ARHGEF6: variants seen among roughly 807,000 people sequenced by gnomAD.
ARHGEF6 encodes rho guanine nucleotide exchange factor 6.
ARHGEF6 carries 9 observed loss-of-function variants against 70.3 expected under a neutral mutation model. The ratio of observed to expected loss-of-function variants is 0.13; its 90% confidence interval spans 0.08 to 0.22. The LOEUF is 0.22. ARHGEF6 is among the 10% of genes least tolerant of loss of function. The pLI, the probability that ARHGEF6 is intolerant of heterozygous loss-of-function variation, is 1.00. For synonymous variants in ARHGEF6, 201 were observed against 207.8 expected, an observed-to-expected ratio of 0.97 and a Z score of 0.28; for missense variants, 470 against 563.0, an observed-to-expected ratio of 0.83 and a Z score of 1.67.
intron 2 of ARHGEF6, among the ~76,000 whole-genome samples, chrX:136,770,339 T>C (rs1295905899): frequency 2.7e-5 from 3 of 112,248 alleles, no homozygotes; most frequent in East Asian, 5.6e-4. Context: ...AGAAAAAGCA[T>C]TTGACAAAAT....
chrX:136,764,582 C>T (rs1468796785), intron 2 of ARHGEF6, among the ~76,000 whole-genome samples: 1 of 111,280 alleles, frequency 9.0e-6, no homozygotes, highest in Non-Finnish European at 1.9e-5. Flanking sequence ...GGTGGGAAGG[C>T]AGGGTATCTA....
In ARHGEF6 at chrX:136,675,095, A is replaced by G. The variant is rs928424896; in HGVS notation, c.1947T>C (p.Ser649=). Residue 649 remains serine (S), a splice_region_variant and synonymous_variant, in exon 19 of 22, where the codon AGT becomes AGC. Coordinates refer to ENST00000250617, the MANE Select transcript of ARHGEF6 (RefSeq NM_004840.3). The part of the protein sequence containing the change: ...PSEEEYVIRK[S]TAALEEDAQI... ...GAGCATCCTCTTCCAGAGCAGCTGT[A>G]CCTGTGAAATTTAATTCATCATGAC... 8.3e-7 allele frequency: 1 copy of G among 1,206,301 alleles called. No individual in the cohort carries two copies. The highest frequency in any genetic ancestry group is 1.1e-6 in the Non-Finnish European group (1 of 890,733).
chrX:136,680,322 G>A (rs1457078851), intron 15 of ARHGEF6, among the ~76,000 whole-genome samples: 1 of 112,825 alleles, frequency 8.9e-6, no homozygotes, highest in Non-Finnish European at 1.9e-5. Context: ...GCAAATGTGA[G>A]AGCATGAGTG....
chrX:136,744,585 C>A (rs995785319), intron 4 of ARHGEF6, among the ~76,000 whole-genome samples: 1 of 111,780 alleles, frequency 8.9e-6, no homozygotes, highest in Non-Finnish European at 1.9e-5. Context: ...AAGTTAAGAA[C>A]CACATGCTCA....
At chrX:136,719,004 TAA>T (rs35347859) in intron 6 of ARHGEF6, among the ~76,000 whole-genome samples, 15 of 60,139 alleles carry the variant, frequency 2.5e-4, no homozygotes, top group Non-Finnish European at 2.6e-4. Flanking sequence ...TAATACTTGG[TAA>T]AAAAAAAAAA....
intron 5 of ARHGEF6, among the ~76,000 whole-genome samples, chrX:136,742,838 GA>G (rs201755191): frequency 0.012 from 1,329 of 111,193 alleles, 22 homozygotes; most frequent in African/African-American, 0.042. Context: ...GCTGGGTGTG[GA>G]AGGCGTGCAC....
intron 2 of ARHGEF6, among the ~76,000 whole-genome samples, chrX:136,763,587 A>G (rs941390257): frequency 8.9e-6 from 1 of 112,230 alleles, no homozygotes; most frequent in African/African-American, 3.2e-5. Context: ...CAGTTTGGGA[A>G]GCCAAGTCGG....
At chrX:136,750,324 G>A (rs1193086910) in intron 2 of ARHGEF6, among the ~76,000 whole-genome samples, 2 of 112,513 alleles carry the variant, frequency 1.8e-5, no homozygotes, top group Non-Finnish European at 3.8e-5. Context: ...TATGCTGTAT[G>A]TAATTTTCCA....
chrX:136,713,499 G>T, intron 6 of ARHGEF6, 129 bp from the exon 7 acceptor site: 1 of 492,443 alleles, frequency 2.0e-6, no homozygotes. Flanking sequence ...TGCAAGCAAG[G>T]AACACAAAAT....
intron 18 of ARHGEF6, among the ~76,000 whole-genome samples, chrX:136,675,953 T>G (rs1451710638): frequency 1.0e-5 from 1 of 97,883 alleles, no homozygotes; most frequent in Non-Finnish European, 2.1e-5. Flanking sequence ...TAACCAGGTG[T>G]GGGGTGGGGG....
At chrX:136,689,443 A>G (rs187290097) in intron 10 of ARHGEF6, among the ~76,000 whole-genome samples, 2 of 112,260 alleles carry the variant, frequency 1.8e-5, no homozygotes, top group East Asian at 5.6e-4. Flanking sequence ...AGTAATAGAA[A>G]CTGAGGCCAC....
At chrX:136,686,609 TATATATATATATACAC>T (rs1267135258) in intron 11 of ARHGEF6, among the ~76,000 whole-genome samples, 11 of 76,328 alleles carry the variant, frequency 1.4e-4, no homozygotes, top group African/African-American at 3.9e-4. Context: ...TATATATATA[TATATATATATATACAC>T]ATATATATAT....
chrX:136,674,979 C>A, intron 19 of ARHGEF6, 28 bp downstream of exon 19: 1 of 1,177,557 alleles, frequency 8.5e-7, no homozygotes, highest in African/African-American at 1.8e-5. Context: ...ACGTCACTCA[C>A]TAGAGAAAGT....
intron 9 of ARHGEF6, among the ~76,000 whole-genome samples, chrX:136,691,385 T>C (rs886144767): frequency 8.9e-6 from 1 of 111,873 alleles, no homozygotes; most frequent in Non-Finnish European, 1.9e-5. Flanking sequence ...TGAAAAAATA[T>C]ATTAATATTT....
chrX:136,740,305 G>A (rs968422622), intron 5 of ARHGEF6, among the ~76,000 whole-genome samples: 1 of 111,342 alleles, frequency 9.0e-6, no homozygotes, highest in African/African-American at 3.3e-5. Flanking sequence ...CACCGTGCCC[G>A]GCCCCAAGTT....
intron 17 of ARHGEF6, among the ~76,000 whole-genome samples, chrX:136,676,951 G>A (rs945830092): frequency 8.9e-6 from 1 of 112,542 alleles, no homozygotes; most frequent in Non-Finnish European, 1.9e-5. Context: ...ACTAAGAGTG[G>A]AGTGTGCCTA....
chrX:136,747,530 T>C lies in ARHGEF6; in HGVS notation c.312A>G (p.Leu104=). ...TACCTTCTGTTGCTTTGTTGACAGC[T>C]AAAAGAGTACTCAGTACCTTGGAGA... ...VNFSKVLSTL[L]AVNKATEDQL... Residue 104 remains leucine (L), a synonymous_variant, in exon 3 of 22, where the codon TTA becomes TTG. Coordinates refer to ENST00000250617, the MANE Select transcript of ARHGEF6 (RefSeq NM_004840.3). 8.3e-7 allele frequency: 1 copy of C among 1,208,728 alleles called. No individual in the cohort carries two copies. The highest frequency in any genetic ancestry group is 1.1e-6 in the Non-Finnish European group (1 of 893,871).
At chrX:136,750,895 C>G (rs998754642) in intron 2 of ARHGEF6, among the ~76,000 whole-genome samples, 1 of 109,993 alleles carries the variant, frequency 9.1e-6, no homozygotes, top group South Asian at 4.0e-4. Context: ...CTCCGCCTCC[C>G]AGTTTCAAGC....
intron 16 of ARHGEF6, 55 bp downstream of exon 16, chrX:136,679,480 T>G: frequency 8.5e-7 from 1 of 1,174,295 alleles, no homozygotes; most frequent in Non-Finnish European, 1.2e-6. Flanking sequence ...CTATTTGTAA[T>G]AAGCTACGAA....
Sources: gnomAD v4.1 joint callset for allele counts (sites outside exome capture counted in the v4.1 genomes callset) on GRCh38, gnomAD v4.1.1 for gene constraint, MANE v1.5 for transcripts, NCBI Gene and HGNC (gene_info 2026-07-23, HGNC 2026-07-21) for gene names.